Variants in CPT2 observed in about 807,000 individuals in gnomAD.
The protein encoded by CPT2 is carnitine palmitoyltransferase 2.
A neutral mutation model predicts 48.6 loss-of-function variants in CPT2; 37 were observed. The ratio of observed to expected loss-of-function variants is 0.76; its 90% confidence interval spans 0.59 to 1.00. The LOEUF (loss-of-function observed/expected upper bound fraction) is 1.00. Ranked by LOEUF, CPT2 falls within the 50% of genes least tolerant of loss-of-function variation. The pLI is 0.00. For synonymous variants in CPT2, 319 were observed against 326.9 expected (o/e 0.98, Z 0.26); for missense variants, 772 against 825.6 (o/e 0.94, Z 0.80).
chr1:53,196,828 A>G lies in CPT2; in HGVS notation c.-116A>G. 4 of 1,336,284 alleles carry G rather than the reference A, an allele frequency of 3.0e-6. No homozygotes were observed. Among genetic ancestry groups the G allele is most frequent in the Middle Eastern group, 2.5e-4 (1 of 3,972 alleles). The allele number at this position is 1,336,284 out of a possible 1,614,324, so 82.8% of individuals were successfully genotyped here. A position where few individuals can be genotyped will look rare whatever the true frequency, so the allele number is the denominator to read the frequency against. Reference sequence around the variant, plus strand: ...GGCCGGAAGTGGCCTGCGGGCGGAGAAGTGCCTCAGGAGTCCTGACGCAGT... The same window carrying G: ...GGCCGGAAGTGGCCTGCGGGCGGAGGAGTGCCTCAGGAGTCCTGACGCAGT... On this transcript the variant is annotated 5_prime_UTR_variant, in exon 1 of 5. Coordinates refer to ENST00000371486, the MANE Select transcript of CPT2 (RefSeq NM_000098.3).
At chr1:53,212,816 A>G in intron 4 of CPT2, 1 of 431,226 alleles carries the variant, frequency 2.3e-6, no homozygotes. Context: ...TTACACAGCA[A>G]GTTAGTAGTA....
rs745698305 is a variant in CPT2, at chr1:53,210,595, G to A, written c.921G>A (p.Met307Ile). The change falls in exon 4 of 5, where the codon ATG becomes ATA. Residue 307 changes from methionine (M) to isoleucine (I), a missense_variant. Coordinates refer to ENST00000371486, the MANE Select transcript of CPT2 (RefSeq NM_000098.3). Reference sequence around the variant, plus strand: ...GGGCAGAGCTCAGGCAGAAGCTGATGAGTAGTGGCAATGAGGAGAGCCTGA... The same window carrying A: ...GGGCAGAGCTCAGGCAGAAGCTGATAAGTAGTGGCAATGAGGAGAGCCTGA... ...DIWAELRQKLMSSGNEESLRK... is the reference protein window; with the variant it reads ...DIWAELRQKLISSGNEESLRK... 2.9e-5 allele frequency: 47 copies of A among 1,613,976 alleles called. No individual in the cohort carries two copies. Among genetic ancestry groups the A allele is most frequent in the Non-Finnish European group, 3.5e-5 (41 of 1,179,926 alleles).
rs1283830713 is a variant in CPT2 at position 53,213,620 on chromosome 1, A to G, written c.*25A>G. On this transcript the variant is annotated 3_prime_UTR_variant, in exon 5 of 5. Transcript: ENST00000371486. ...ACTTCTGGGCAGATGAAAAGCTACC[A>G]TCACTTCCTCATCATGAAAACTGGG... 6.3e-7 allele frequency: 1 copy of G among 1,597,670 alleles called. No homozygotes were observed. Among genetic ancestry groups the G allele is most frequent in the Non-Finnish European group, 8.6e-7 (1 of 1,169,104 alleles).
In CPT2 at chr1:53,213,719, A is replaced by G. The variant is rs1645447124; in HGVS notation, c.*124A>G. On this transcript the variant is annotated 3_prime_UTR_variant, in exon 5 of 5. Transcript: ENST00000371486. ...TGAGGCGGGTGGATCACTTGAGGTC[A>G]GGAGTTTGAGACCAACCTGGCCAAC... The G allele has an allele frequency of 1.1e-6, 1 of 874,884 alleles. No individual in the cohort carries two copies. Among genetic ancestry groups the G allele is most frequent in the Non-Finnish European group, 1.8e-6 (1 of 550,276 alleles). 54.2% of individuals were successfully genotyped at this position (874,884 alleles called of 1,614,324 possible).
At position 53,213,387 on chromosome 1, in the gene CPT2, G is replaced by A. The variant is rs1441611996; in HGVS notation, c.1769G>A (p.Ser590Asn). The A allele has an allele frequency of 6.2e-7, 1 of 1,614,234 alleles. No individual in the cohort carries two copies. Among genetic ancestry groups the A allele is most frequent in the Non-Finnish European group, 8.5e-7 (1 of 1,180,050 alleles). ...GQINHNVLST[S>N]TLSSPAVNLG... Reference sequence around the variant, plus strand: ...ATAAACCACAATGTCCTGTCCACGAGCACACTGAGCAGCCCAGCAGTGAAC... The same window carrying A: ...ATAAACCACAATGTCCTGTCCACGAACACACTGAGCAGCCCAGCAGTGAAC... The change falls in exon 5 of 5, where the codon AGC becomes AAC. Residue 590 changes from serine to asparagine, a missense_variant. Coordinates refer to ENST00000371486, the MANE Select transcript of CPT2 (RefSeq NM_000098.3).
At position 53,210,951 on chromosome 1, in the gene CPT2, G is replaced by C. The variant is rs1419648182; in HGVS notation, c.1277G>C (p.Gly426Ala). 4 of 1,614,040 alleles carry C rather than the reference G, an allele frequency of 2.5e-6. No homozygotes were observed. Among genetic ancestry groups the C allele is most frequent in the Non-Finnish European group, 2.5e-6 (3 of 1,180,034 alleles). Residue 426 changes from glycine (G) to alanine (A), a missense_variant, in exon 4 of 5, where the codon GGC becomes GCC. Physicochemically the swap from Gly to Ala is moderately conservative, Grantham distance 60. Coordinates refer to ENST00000371486, the MANE Select transcript of CPT2 (RefSeq NM_000098.3). ...GAGCTGACTGATGCCTTAAAGACTG[G>C]CATCACAGCTGCTAAGGAAAAGTTT... Reference protein sequence around the residue: ...NFELTDALKTGITAAKEKFDA... With the variant: ...NFELTDALKTAITAAKEKFDA...
Position 53,202,435 on chromosome 1 carries a change from T to A in CPT2, c.340+6T>A, listed in dbSNP as rs375378513. On this transcript the variant is annotated splice_donor_region_variant and intron_variant, in intron 3 of 4. Transcript: ENST00000371486. The stretch of plus-strand genomic sequence containing the variant: ...ACATACAAGCTACATTTCGGGTAGG[T>A]AGGCTGGGCTGTGGGTATGATTTCT... The A allele has an allele frequency of 3.1e-6, 5 of 1,605,238 alleles. 1 individual carries two copies. The South Asian group carries it at 5.5e-5, about 18-fold the overall frequency.
chr1:53,210,577 G>T lies in CPT2; in HGVS notation c.903G>T (p.Glu301Asp), dbSNP rs764076288. ...LTSENRDIWAELRQKLMSSGN... is the reference protein window; with the variant it reads ...LTSENRDIWADLRQKLMSSGN... ...GTGAGAACCGAGACATCTGGGCAGA[G>T]CTCAGGCAGAAGCTGATGAGTAGTG... Residue 301 changes from glutamate (E) to aspartate (D), a missense_variant, in exon 4 of 5, where the codon GAG becomes GAT. Physicochemically the swap from Glu to Asp is conservative, Grantham distance 45 (BLOSUM62 2). Coordinates refer to ENST00000371486, the MANE Select transcript of CPT2 (RefSeq NM_000098.3). 1 of 1,614,038 alleles carries T rather than the reference G, an allele frequency of 6.2e-7. No homozygotes were observed. The highest frequency in any genetic ancestry group is 1.3e-5 in the African/African-American group (1 of 74,916).
rs1645412662 is a variant in CPT2, at chr1:53,210,193, A to G, written c.519A>G (p.Pro173=). ...LKTLRAGLLE[P]EVFHLNPAKS... The stretch of plus-strand genomic sequence containing the variant: ...CACTCCGGGCTGGCCTTCTGGAGCC[A>G]GAAGTGTTCCACTTGAACCCTGCAA... The change falls in exon 4 of 5, where the codon CCA becomes CCG. Residue 173 remains proline (P), a synonymous_variant. Transcript: ENST00000371486. The G allele has an allele frequency of 1.2e-6, 2 of 1,614,204 alleles. No individual in the cohort carries two copies. The highest frequency in any genetic ancestry group is 1.7e-6 in the Non-Finnish European group (2 of 1,180,052).
chr1:53,211,519 A>C (rs1471625571), intron 4 of CPT2, 200 bp downstream of exon 4: 1 of 595,170 alleles, frequency 1.7e-6, no homozygotes, highest in Non-Finnish European at 3.0e-6. Context: ...CTTGCCTCCT[A>C]AGCAGGGGTG....
chr1:53,207,815 G>C (rs190584075), intron 3 of CPT2: 90 of 152,250 alleles, frequency 5.9e-4, no homozygotes, highest in African/African-American at 2.1e-3. Context: ...GGAGTGAGGA[G>C]GGAATCTCAG....
intron 3 of CPT2, chr1:53,208,097 G>A (rs1179068155): frequency 3.3e-5 from 5 of 152,214 alleles, no homozygotes; most frequent in Admixed American, 1.3e-4. Context: ...GGGGGTCAGA[G>A]GCATGAATTT....
intron 1 of CPT2, among the ~76,000 whole-genome samples, chr1:53,199,562 AAAGG>A (rs1329371782): frequency 2.0e-5 from 3 of 152,226 alleles, no homozygotes; most frequent in African/African-American, 7.2e-5. Context: ...ATTTTGTTTA[AAAGG>A]AAGAAGGTAA....
chr1:53,201,024 C>T (rs190177252), intron 2 of CPT2: 103 of 574,712 alleles, frequency 1.8e-4, no homozygotes, highest in Non-Finnish European at 2.9e-4. Flanking sequence ...AGTTTATAAG[C>T]CAGAATGCCA....
chr1:53,208,485 G>A (rs1645401449), intron 3 of CPT2: 1 of 152,222 alleles, frequency 6.6e-6, no homozygotes, highest in Non-Finnish European at 1.5e-5. Flanking sequence ...ATTTTTACAG[G>A]TAAAACATCT....
At chr1:53,197,453 A>G (rs1429773448) in intron 1 of CPT2, 2 of 376,686 alleles carry the variant, frequency 5.3e-6, no homozygotes, top group East Asian at 6.8e-5. Flanking sequence ...TCCCTCGACT[A>G]TGGTGTCTCC....
Position 53,197,040 on chromosome 1 carries a change from C to G in CPT2, c.97C>G (p.Gln33Glu). The G allele has an allele frequency of 6.5e-7, 1 of 1,538,462 alleles. No individual in the cohort carries two copies. The highest frequency in any genetic ancestry group is 8.7e-7 in the Non-Finnish European group (1 of 1,146,190). ...RPLSAGSGPG[Q>E]YLQRSIVPTM... The stretch of plus-strand genomic sequence containing the variant: ...CCTCAGCGCCGGCTCCGGGCCCGGC[C>G]AGTACCTGCAGCGCAGCATCGTGCC... Residue 33 changes from glutamine to glutamate, a missense_variant, in exon 1 of 5, where the codon CAG (glutamine) becomes GAG (glutamate). Gln to Glu is a conservative substitution (Grantham distance 29). Transcript: ENST00000371486.
rs1044393692 is a variant in CPT2, at chr1:53,210,232, C to A, written c.558C>A (p.Ile186=). The change falls in exon 4 of 5, where the codon ATC becomes ATA. Residue 186 remains isoleucine (I), a synonymous_variant. Coordinates refer to ENST00000371486, the MANE Select transcript of CPT2 (RefSeq NM_000098.3). The part of the protein sequence containing the change: ...FHLNPAKSDT[I]TFKRLIRFVP... ...TGAACCCTGCAAAAAGTGACACTAT[C>A]ACCTTCAAGAGACTCATACGCTTTG... 1 of 1,614,102 alleles carries A rather than the reference C, an allele frequency of 6.2e-7. No individual in the cohort carries two copies. Among genetic ancestry groups the A allele is most frequent in the Non-Finnish European group, 8.5e-7 (1 of 1,179,942 alleles).
chr1:53,197,746 ACT>A (rs768058490), intron 1 of CPT2, among the ~76,000 whole-genome samples: 3 of 151,374 alleles, frequency 2.0e-5, no homozygotes, highest in Non-Finnish European at 4.4e-5. Flanking sequence ...GAAACCTTTC[ACT>A]CTCTCCAAGC....
Sources: allele counts gnomAD v4.1 joint callset (sites outside exome capture counted in the v4.1 genomes callset), GRCh38; gene constraint gnomAD v4.1.1; transcripts MANE v1.5; gene names NCBI Gene and HGNC (gene_info 2026-07-23, HGNC 2026-07-21).